Variants in NAALADL2 observed in about 807,000 individuals in gnomAD.
NAALADL2 encodes N-acetylated alpha-linked acidic dipeptidase like 2.
A neutral mutation model predicts 87.2 loss-of-function variants in NAALADL2; 76 were observed. That is an observed-to-expected ratio of 0.87 (90% CI 0.72 to 1.05). The LOEUF is 1.05. Among genes scored for constraint, NAALADL2 ranks in the 50% least tolerant of loss-of-function variants. NAALADL2 has a pLI of 0.00. For synonymous variants in NAALADL2, 354 were observed against 331.0 expected (o/e 1.07, Z -0.75); for missense variants, 1,089 against 945.8 (o/e 1.15, Z -1.99).
At chr3:175,570,576 C>G (rs564887352) in intron 9 of NAALADL2, among the ~76,000 whole-genome samples, 2 of 151,934 alleles carry the variant, frequency 1.3e-5, no homozygotes, top group Non-Finnish European at 2.9e-5. Context: ...ATAACTGAAA[C>G]GAAAAGAAAG....
intron 3 of NAALADL2, among the ~76,000 whole-genome samples, chr3:175,243,077 A>ACACACACACACACACACACG (rs1270221431): frequency 9.9e-5 from 15 of 151,264 alleles, no homozygotes; most frequent in Admixed American, 6.6e-5. Context: ...CATAACACAC[A>ACACACACACACACACACACG]CACACACACA....
chr3:174,598,477 C>T (rs575060687), intron 2 of NAALADL2, among the ~76,000 whole-genome samples: 7 of 152,216 alleles, frequency 4.6e-5, no homozygotes, highest in Admixed American at 2.6e-4. Context: ...GTAGATTTCT[C>T]CTCAGCCAAA....
intron 9 of NAALADL2, among the ~76,000 whole-genome samples, chr3:175,521,605 G>A (rs913357233): frequency 9.9e-5 from 15 of 152,134 alleles, no homozygotes; most frequent in Non-Finnish European, 2.1e-4. Context: ...TACTGGATTA[G>A]GGTGGGCTCT....
chr3:174,677,329 CTA>C (rs1727129189), intron 2 of NAALADL2, among the ~76,000 whole-genome samples: 1 of 151,928 alleles, frequency 6.6e-6, no homozygotes, highest in Non-Finnish European at 1.5e-5. Flanking sequence ...CATTATGTTC[CTA>C]TGTCATTCAT....
At chr3:175,234,826 T>G (rs1004934156) in intron 3 of NAALADL2, 1 of 152,256 alleles carries the variant, frequency 6.6e-6, no homozygotes, top group African/African-American at 2.4e-5. Context: ...ACTTAACCGT[T>G]GGGAGGAAAC....
intron 11 of NAALADL2, among the ~76,000 whole-genome samples, chr3:175,630,228 T>G (rs1356065658): frequency 1.3e-5 from 2 of 151,824 alleles, no homozygotes; most frequent in Non-Finnish European, 2.9e-5. Context: ...TCAAATTTTA[T>G]CAACAGAGAA....
chr3:175,303,685 C>T (rs958436803), intron 4 of NAALADL2, among the ~76,000 whole-genome samples: 10 of 152,202 alleles, frequency 6.6e-5, no homozygotes, highest in Non-Finnish European at 1.2e-4. Flanking sequence ...ATTCCCATTT[C>T]CATTCCCCTT....
chr3:175,488,019 G>C (rs140032480), intron 9 of NAALADL2, among the ~76,000 whole-genome samples: 1 of 152,284 alleles, frequency 6.6e-6, no homozygotes, highest in Non-Finnish European at 1.5e-5. Flanking sequence ...AAGAGGAAAA[G>C]TGACATGATA....
At chr3:174,519,038 A>C (rs544173423) in intron 1 of NAALADL2, among the ~76,000 whole-genome samples, 1 of 152,290 alleles carries the variant, frequency 6.6e-6, no homozygotes, top group South Asian at 2.1e-4. Context: ...GTATTTCTTT[A>C]TCTCTCTTTC....
At chr3:174,788,932 C>A (rs1453739402) in intron 3 of NAALADL2, among the ~76,000 whole-genome samples, 1 of 152,098 alleles carries the variant, frequency 6.6e-6, no homozygotes, top group Non-Finnish European at 1.5e-5. Context: ...TAAAAAGTAA[C>A]CATGCTCTTG....
chr3:174,545,037 G>A (rs759088714), intron 1 of NAALADL2, among the ~76,000 whole-genome samples: 13 of 152,060 alleles, frequency 8.5e-5, no homozygotes, highest in Middle Eastern at 6.8e-3. Flanking sequence ...CATCATGCCT[G>A]ACTAATTTTT....
chr3:174,792,443 T>C (rs868355634), intron 3 of NAALADL2, among the ~76,000 whole-genome samples: 13 of 152,294 alleles, frequency 8.5e-5, no homozygotes, highest in African/African-American at 3.1e-4. Context: ...TCAGCCTCTG[T>C]GCCACTGTCT....
At chr3:175,757,879 G>T (rs551233113) in intron 13 of NAALADL2, among the ~76,000 whole-genome samples, 4 of 151,890 alleles carry the variant, frequency 2.6e-5, no homozygotes, top group African/African-American at 2.4e-5. Context: ...ATAACTTAGG[G>T]GTTTAAAATA....
intron 2 of NAALADL2, among the ~76,000 whole-genome samples, chr3:175,167,206 G>A (rs1291227510): frequency 6.6e-6 from 1 of 152,066 alleles, no homozygotes; most frequent in East Asian, 1.9e-4. Flanking sequence ...TAGCAGGAAA[G>A]CAGTCACAGA....
chr3:175,522,391 C>G (rs1653331101), intron 9 of NAALADL2, among the ~76,000 whole-genome samples: 1 of 152,174 alleles, frequency 6.6e-6, no homozygotes, highest in Admixed American at 6.5e-5. Context: ...CCTGGGTTGA[C>G]TTATGAAGGC....
intron 3 of NAALADL2, among the ~76,000 whole-genome samples, chr3:175,255,785 G>A (rs187936351): frequency 6.6e-6 from 1 of 152,272 alleles, no homozygotes; most frequent in African/African-American, 2.4e-5. Context: ...TGTAACTCTA[G>A]GTGAGTAGTG....
At chr3:174,975,735 C>A (rs971373630) in intron 1 of NAALADL2, among the ~76,000 whole-genome samples, 1 of 152,134 alleles carries the variant, frequency 6.6e-6, no homozygotes, top group Non-Finnish European at 1.5e-5. Flanking sequence ...TGAGTTGACT[C>A]TTGGAGCCAT....
chr3:174,501,330 G>A (rs1007402544), intron 1 of NAALADL2, among the ~76,000 whole-genome samples: 2 of 142,882 alleles, frequency 1.4e-5, no homozygotes, highest in East Asian at 3.9e-4. Flanking sequence ...CGCCCGCCTC[G>A]GCCTTCCAAA....
intron 4 of NAALADL2, among the ~76,000 whole-genome samples, chr3:175,298,454 T>G (rs1484053726): frequency 6.6e-6 from 1 of 152,106 alleles, no homozygotes; most frequent in Non-Finnish European, 1.5e-5. Flanking sequence ...AATAATAACT[T>G]TCTTTAAACT....
Sources: gnomAD v4.1 joint callset for allele counts (sites outside exome capture counted in the v4.1 genomes callset) on GRCh38, gnomAD v4.1.1 for gene constraint, MANE v1.5 for transcripts, NCBI Gene and HGNC (gene_info 2026-07-23, HGNC 2026-07-21) for gene names.